Variants in LYPLAL1 observed in about 807,000 individuals in gnomAD.
The protein encoded by LYPLAL1 is lysophospholipase-like protein 1.
In LYPLAL1, 23 loss-of-function variants were observed where a neutral mutation model predicts 19.7. The ratio of observed to expected loss-of-function variants is 1.17; its 90% CI spans 0.84 to 1.65. LYPLAL1 has a LOEUF of 1.65. LYPLAL1 is among the 40% of genes most tolerant of loss of function. The pLI is 0.00. For synonymous variants in LYPLAL1, 119 were observed against 96.3 expected (o/e 1.24, Z -1.38); for missense variants, 355 against 279.4 (o/e 1.27, Z -1.93).
At chr1:219,329,532 A>G in the LYPLAL1 span, among the ~76,000 whole-genome samples, 4 of 152,186 alleles carry the variant, frequency 2.6e-5, no homozygotes, top group Non-Finnish European at 4.4e-5. Context: ...TTAGATGTGG[A>G]CAAATCCTTT....
the LYPLAL1 span, among the ~76,000 whole-genome samples, chr1:219,420,374 T>A: frequency 6.6e-6 from 1 of 152,230 alleles, no homozygotes; most frequent in Non-Finnish European, 1.5e-5. Context: ...GCACTCTATT[T>A]TGATTGCATC....
the LYPLAL1 span, among the ~76,000 whole-genome samples, chr1:219,257,763 AAAC>A: frequency 4.6e-5 from 7 of 152,066 alleles, no homozygotes; most frequent in African/African-American, 1.7e-4. Context: ...TAAACATCTT[AAAC>A]AACAGAAAAC....
chr1:219,226,937 A>G, the LYPLAL1 span, among the ~76,000 whole-genome samples: 1 of 152,164 alleles, frequency 6.6e-6, no homozygotes, highest in Non-Finnish European at 1.5e-5. Flanking sequence ...AACCAATTCA[A>G]TATCTTATGA....
At chr1:219,239,085 C>G in the LYPLAL1 span, among the ~76,000 whole-genome samples, 5 of 152,292 alleles carry the variant, frequency 3.3e-5, no homozygotes, top group African/African-American at 9.6e-5. Flanking sequence ...CATAACCCCC[C>G]TCCTATCCCT....
At chr1:219,236,875 T>A in the LYPLAL1 span, among the ~76,000 whole-genome samples, 1 of 152,132 alleles carries the variant, frequency 6.6e-6, no homozygotes, top group Non-Finnish European at 1.5e-5. Flanking sequence ...AAGCCCAACA[T>A]GGATTAACTA....
the LYPLAL1 span, among the ~76,000 whole-genome samples, chr1:219,353,084 G>C: frequency 1.2e-4 from 19 of 152,314 alleles, no homozygotes; most frequent in Non-Finnish European, 2.8e-4. Flanking sequence ...GTCAGCACAA[G>C]AATGTAATGT....
chr1:219,338,484 G>A, the LYPLAL1 span, among the ~76,000 whole-genome samples: 1 of 151,796 alleles, frequency 6.6e-6, no homozygotes, highest in Non-Finnish European at 1.5e-5. Flanking sequence ...AGCTAATAGA[G>A]ACCTAACTGA....
the LYPLAL1 span, among the ~76,000 whole-genome samples, chr1:219,373,811 A>G: frequency 6.9e-6 from 1 of 145,266 alleles, no homozygotes; most frequent in East Asian, 2.1e-4. Context: ...CCTTGGGCCT[A>G]GTTGTTTCAA....
the LYPLAL1 span, among the ~76,000 whole-genome samples, chr1:219,306,853 C>CAT: frequency 1.1e-5 from 1 of 92,828 alleles, no homozygotes; most frequent in East Asian, 2.9e-4. Flanking sequence ...GATAGATAGA[C>CAT]AGACAGACAG....
chr1:219,425,686 A>T, the LYPLAL1 span, among the ~76,000 whole-genome samples: 1 of 152,184 alleles, frequency 6.6e-6, no homozygotes, highest in Non-Finnish European at 1.5e-5. Context: ...GGCCATAGGG[A>T]ATGCTGCATT....
the LYPLAL1 span, among the ~76,000 whole-genome samples, chr1:219,375,547 G>A: frequency 6.9e-6 from 1 of 145,096 alleles, no homozygotes; most frequent in Admixed American, 6.9e-5. Context: ...AGTAACAACA[G>A]TGGGAAAGAG....
chr1:219,332,136 C>T, the LYPLAL1 span, among the ~76,000 whole-genome samples: 2 of 152,150 alleles, frequency 1.3e-5, no homozygotes, highest in Admixed American at 6.5e-5. Flanking sequence ...CTTCTGCTCC[C>T]TCTTTCTTGA....
At chr1:219,204,204 A>G (rs1658357155) in intron 3 of LYPLAL1, among the ~76,000 whole-genome samples, 1 of 152,194 alleles carries the variant, frequency 6.6e-6, no homozygotes, top group South Asian at 2.1e-4. Flanking sequence ...AGACATTAAG[A>G]TAAAACTTAG....
the LYPLAL1 span, among the ~76,000 whole-genome samples, chr1:219,300,530 CTTTTTT>C: frequency 1.2e-5 from 1 of 82,010 alleles, no homozygotes. Context: ...TTTATCCTAA[CTTTTTT>C]TTTTTTTTTT....
the LYPLAL1 span, among the ~76,000 whole-genome samples, chr1:219,320,870 T>G: frequency 6.6e-6 from 1 of 152,226 alleles, no homozygotes; most frequent in Non-Finnish European, 1.5e-5. Context: ...TTCCAAGTCT[T>G]TGCTATTGTG....
chr1:219,333,991 T>C, the LYPLAL1 span, among the ~76,000 whole-genome samples: 1 of 152,052 alleles, frequency 6.6e-6, no homozygotes. Context: ...AACTTTATGA[T>C]GGAAAACATT....
Position 219,212,014 on chromosome 1 carries a change from G to A in LYPLAL1, c.*286G>A, listed in dbSNP as rs977853642. The A allele has an allele frequency of 1.4e-5, 3 of 211,032 alleles. No homozygotes were observed. The highest frequency in any genetic ancestry group is 2.3e-5 in the African/African-American group (1 of 43,432). The allele number at this position is 211,032 out of a possible 1,614,324, so 13.1% of individuals were successfully genotyped here. ...AAGTATTCTAAACTAATATAAATAA[G>A]GACAATGAAAAAACATGAAAGGACT... On this transcript the variant is annotated 3_prime_UTR_variant, in exon 5 of 5. Transcript: ENST00000366928.
At chr1:219,359,991 G>C in the LYPLAL1 span, among the ~76,000 whole-genome samples, 1 of 152,294 alleles carries the variant, frequency 6.6e-6, no homozygotes, top group South Asian at 2.1e-4. Context: ...AGCCATCTTT[G>C]TTTGCCCAAG....
At chr1:219,198,447 T>G (rs1327070609) in intron 3 of LYPLAL1, 1 of 151,578 alleles carries the variant, frequency 6.6e-6, no homozygotes, top group African/African-American at 2.4e-5. Context: ...GACATAAAAA[T>G]TTACAGTAAT....
Sources: gnomAD v4.1 joint callset for allele counts (sites outside exome capture counted in the v4.1 genomes callset) on GRCh38, gnomAD v4.1.1 for gene constraint, MANE v1.5 for transcripts, NCBI Gene and HGNC (gene_info 2026-07-23, HGNC 2026-07-21) for gene names.